The following MBNL3 variants were observed in gnomAD, a reference collection of about 807,000 sequenced individuals.
MBNL3 encodes muscleblind-like protein 3.
A neutral mutation model predicts 24.5 loss-of-function variants in MBNL3; 6 were observed. That is an observed-to-expected ratio of 0.25 (90% CI 0.13 to 0.48). The LOEUF is 0.48. Ranked by LOEUF, MBNL3 falls within the 20% of genes least tolerant of loss-of-function variation. The pLI, the probability that MBNL3 is intolerant of heterozygous loss-of-function variation, is 0.99. For missense variants in MBNL3, 230 were observed against 293.5 expected (o/e 0.78, Z 1.58); for synonymous variants, 100 against 101.7 (o/e 0.98, Z 0.10).
In MBNL3 at chrX:132,406,392, C is replaced by A; in HGVS notation, c.178G>T (p.Gly60Cys). The A allele has an allele frequency of 8.5e-7, 1 of 1,181,396 alleles. No individual in the cohort carries two copies. Among genetic ancestry groups the A allele is most frequent in the Non-Finnish European group, 1.1e-6 (1 of 880,127 alleles). ...TTGCAGTTCTCTCGGGTACACCGAC[C>A]CTGACAATGAAGAATAGGGAAAATA... ...RVVACFDSLK[G>C]RCTRENCKYL... The change falls in exon 3 of 9, where the codon GGT becomes TGT. Residue 60 changes from glycine (G) to cysteine (C), a missense_variant and splice_region_variant. By Grantham distance (159) the Gly-to-Cys change is radical. Transcript: ENST00000370853.
chrX:132,390,020 C>T (rs772380078), intron 5 of MBNL3, among the ~76,000 whole-genome samples: 15 of 108,690 alleles, frequency 1.4e-4, no homozygotes, highest in South Asian at 4.1e-4. Context: ...TGGTGAAACC[C>T]GGCCTCTATA....
At chrX:132,486,295 G>A (rs1395770524) in intron 1 of MBNL3, among the ~76,000 whole-genome samples, 1 of 111,829 alleles carries the variant, frequency 8.9e-6, no homozygotes, top group Non-Finnish European at 1.9e-5. Context: ...AGGCAGCTGG[G>A]TGGAGAACAA....
chrX:132,388,791 A>G (rs749688809), intron 5 of MBNL3, among the ~76,000 whole-genome samples: 19 of 110,801 alleles, frequency 1.7e-4, no homozygotes, highest in African/African-American at 5.9e-4. Context: ...CCTGAGCTAT[A>G]TACATGAACA....
At chrX:132,409,131 T>C (rs1436699073) in intron 2 of MBNL3, among the ~76,000 whole-genome samples, 2 of 112,576 alleles carry the variant, frequency 1.8e-5, no homozygotes, top group East Asian at 5.6e-4. Context: ...ATAATATATT[T>C]GTACACACAA....
intron 3 of MBNL3, among the ~76,000 whole-genome samples, chrX:132,396,537 T>C: frequency 1.7e-5 from 1 of 59,203 alleles, no homozygotes; most frequent in South Asian, 9.6e-4. Flanking sequence ...TATATTCATA[T>C]ATATATTCCT....
chrX:132,430,679 T>C (rs1287887364), intron 2 of MBNL3: 2 of 112,486 alleles, frequency 1.8e-5, no homozygotes, highest in Admixed American at 1.9e-4. Flanking sequence ...GGGTATGTGA[T>C]ATTGATATAT....
At chrX:132,398,836 A>G (rs1353996589) in intron 3 of MBNL3, among the ~76,000 whole-genome samples, 1 of 111,396 alleles carries the variant, frequency 9.0e-6, no homozygotes, top group Admixed American at 9.6e-5. Context: ...ACACAAACCA[A>G]AACAGAACCT....
At chrX:132,396,605 T>TATATATATTC (rs1400890140) in intron 3 of MBNL3, among the ~76,000 whole-genome samples, 11 of 35,789 alleles carry the variant, frequency 3.1e-4, no homozygotes, top group Non-Finnish European at 5.2e-4. Flanking sequence ...TATATATTCC[T>TATATATATTC]ATATATATTC....
intron 2 of MBNL3, 44 bp from the exon 3 acceptor site, chrX:132,406,436 C>A: frequency 9.1e-7 from 1 of 1,098,882 alleles, no homozygotes. Context: ...AAACTATACA[C>A]AAATAGATAA....
At chrX:132,420,218 C>T (rs1374135113) in intron 2 of MBNL3, among the ~76,000 whole-genome samples, 1 of 112,248 alleles carries the variant, frequency 8.9e-6, no homozygotes, top group Non-Finnish European at 1.9e-5. Flanking sequence ...AATCCGGGCA[C>T]TAGCCATGCA....
intron 1 of MBNL3, among the ~76,000 whole-genome samples, chrX:132,481,769 G>A (rs1313849486): frequency 9.0e-6 from 1 of 111,526 alleles, no homozygotes; most frequent in Non-Finnish European, 1.9e-5. Flanking sequence ...TCACAAAAGA[G>A]CTTTGGAGGG....
upstream of MBNL3, chrX:132,490,017 G>A (rs1043541415): frequency 1.8e-5 from 2 of 112,760 alleles, no homozygotes; most frequent in Non-Finnish European, 3.8e-5. Flanking sequence ...TTCTTTGTGT[G>A]GTTCGCTCAC....
intron 1 of MBNL3, among the ~76,000 whole-genome samples, chrX:132,476,649 T>C (rs1056511245): frequency 9.8e-5 from 11 of 112,134 alleles, no homozygotes; most frequent in South Asian, 7.4e-4. Flanking sequence ...TGTAATATTA[T>C]ATAAAACGTC....
At chrX:132,475,570 AAAAT>A (rs745334549) in intron 1 of MBNL3, among the ~76,000 whole-genome samples, 8 of 112,161 alleles carry the variant, frequency 7.1e-5, no homozygotes, top group Non-Finnish European at 1.5e-4. Flanking sequence ...CTGTCATAAC[AAAAT>A]GAAAGTACCT....
intron 7 of MBNL3, among the ~76,000 whole-genome samples, chrX:132,382,866 G>A (rs1935276798): frequency 8.9e-6 from 1 of 111,887 alleles, no homozygotes; most frequent in Non-Finnish European, 1.9e-5. Flanking sequence ...GAATACAGTG[G>A]ACTATGCATG....
At chrX:132,382,468 A>G (rs1935183518) in intron 7 of MBNL3, among the ~76,000 whole-genome samples, 196 bp from the exon 8 acceptor site, 1 of 112,118 alleles carries the variant, frequency 8.9e-6, no homozygotes, top group Admixed American at 9.5e-5. Context: ...AAAATTAAAA[A>G]GAGAAAAGGG....
chrX:132,429,707 TC>T (rs917239567), intron 2 of MBNL3: 2 of 111,791 alleles, frequency 1.8e-5, no homozygotes, highest in Non-Finnish European at 3.8e-5. Flanking sequence ...TCACAGACAG[TC>T]CCAATGTCAT....
At chrX:132,478,930 A>G (rs1947583297) in intron 1 of MBNL3, among the ~76,000 whole-genome samples, 1 of 112,483 alleles carries the variant, frequency 8.9e-6, no homozygotes, top group Non-Finnish European at 1.9e-5. Flanking sequence ...TAGATTACCT[A>G]TAAAGAAAGG....
chrX:132,465,447 A>G (rs1366564529), intron 1 of MBNL3, among the ~76,000 whole-genome samples: 3 of 112,341 alleles, frequency 2.7e-5, no homozygotes, highest in African/African-American at 9.7e-5. Flanking sequence ...GTATTATAGC[A>G]CAGGGTATTG....
Sources: gnomAD v4.1 joint callset for allele counts (sites outside exome capture counted in the v4.1 genomes callset) on GRCh38, gnomAD v4.1.1 for gene constraint, MANE v1.5 for transcripts, NCBI Gene and HGNC (gene_info 2026-07-23, HGNC 2026-07-21) for gene names.